Variants in COX4I1 observed in about 807,000 individuals in gnomAD.
COX4I1 encodes the protein cytochrome c oxidase subunit 4I1.
Under a neutral mutation model 21.7 loss-of-function variants are expected in COX4I1, and 18 were observed. The observed-to-expected ratio is 0.83, with a 90% CI of 0.57 to 1.23. The LOEUF (loss-of-function observed/expected upper bound fraction) is 1.23. COX4I1 is among the 50% of genes most tolerant of loss of function. COX4I1 has a pLI of 0.00. For missense variants in COX4I1, 238 were observed against 220.7 expected (o/e 1.08, Z -0.50); for synonymous variants, 100 against 81.5 (o/e 1.23, Z -1.23).
Position 85,799,961 on chromosome 16 carries a change from C to G in COX4I1, c.-2+209C>G, listed in dbSNP as rs1424089264. 1 of 151,606 alleles carries G rather than the reference C, an allele frequency of 6.6e-6. No homozygotes were observed. The highest frequency in any genetic ancestry group is 1.5e-5 in the Non-Finnish European group (1 of 67,986). 9.4% of individuals were successfully genotyped at this position (151,606 alleles called of 1,614,324 possible). On this transcript the variant is annotated intron_variant, in intron 1 of 4. Coordinates refer to ENST00000253452, the MANE Select transcript of COX4I1 (RefSeq NM_001861.6). The surrounding 1 kb of genome is among the most constrained non-coding windows in gnomAD (Gnocchi z 4.2). ...GGGGGGCCGCCCCGAAGTGCCCGGT[C>G]CATCTTACCCGGTCTCGCAGCGGCT... is the stretch of plus-strand genomic sequence containing the variant.
intron 4 of COX4I1, chr16:85,806,523 C>G (rs1906215442): frequency 2.7e-6 from 2 of 738,032 alleles, no homozygotes; most frequent in African/African-American, 1.7e-5. Flanking sequence ...CTGCTTTTAG[C>G]TTATTTTGTT....
chr16:85,799,731 T>G lies in COX4I1; in HGVS notation c.-23T>G. Reference sequence around the variant, plus strand: ...GCGGGACACCGGGTGTAGAGGGCGGTCGCGGCGGGCAGTGGCGGCAGGTGA... The same window carrying G: ...GCGGGACACCGGGTGTAGAGGGCGGGCGCGGCGGGCAGTGGCGGCAGGTGA... On this transcript the variant is annotated 5_prime_UTR_variant, in exon 1 of 5. Coordinates refer to ENST00000253452, the MANE Select transcript of COX4I1 (RefSeq NM_001861.6). The surrounding 1 kb of genome is among the most constrained non-coding windows in gnomAD (Gnocchi z 4.2). The G allele has an allele frequency of 6.4e-6, 1 of 157,464 alleles. No individual in the cohort carries two copies. The allele number at this position is 157,464 out of a possible 1,614,324, so 9.8% of individuals were successfully genotyped here.
In COX4I1 at chr16:85,806,933, G is replaced by C. The variant is rs923205304; in HGVS notation, c.*59G>C. 1.4e-5 allele frequency: 22 copies of C among 1,555,272 alleles called. No homozygotes were observed. Among genetic ancestry groups the C allele is most frequent in the South Asian group, 1.3e-4 (11 of 83,108 alleles). Reference sequence around the variant, plus strand: ...CTCTGTCACCGCCATGCAACTCCATGCCTATTTACTGGAAACCTGTTATGC... The same window carrying C: ...CTCTGTCACCGCCATGCAACTCCATCCCTATTTACTGGAAACCTGTTATGC... On this transcript the variant is annotated 3_prime_UTR_variant, in exon 5 of 5. Coordinates refer to ENST00000253452, the MANE Select transcript of COX4I1 (RefSeq NM_001861.6).
Position 85,806,967 on chromosome 16 carries a change from T to C in COX4I1, c.*93T>C, listed in dbSNP as rs1043774419. 14 of 1,359,022 alleles carry C rather than the reference T, an allele frequency of 1.0e-5. No homozygotes were observed. The Admixed American group carries it at 2.5e-4, about 24-fold the overall frequency. The allele number at this position is 1,359,022 out of a possible 1,614,324, so 84.2% of individuals were successfully genotyped here. ...CTGGAAACCTGTTATGCCAAACAGT[T>C]GTACCACTGCTAATAAATGACCAGT... On this transcript the variant is annotated 3_prime_UTR_variant, in exon 5 of 5. Transcript: ENST00000253452.
In COX4I1 at chr16:85,807,055, T is replaced by C. The variant is rs1906272427; in HGVS notation, c.*181T>C. On this transcript the variant is annotated 3_prime_UTR_variant, in exon 5 of 5. Transcript: ENST00000253452. ...CCTAAATGAAAGCTAATTAAAACAA[T>C]AGGTTTCTCCCAAGGGTCTGGAGTA... The C allele has an allele frequency of 7.6e-6, 5 of 656,688 alleles. No homozygotes were observed. Among genetic ancestry groups the C allele is most frequent in the Middle Eastern group, 4.2e-4 (1 of 2,372 alleles). 40.7% of individuals were successfully genotyped at this position (656,688 alleles called of 1,614,324 possible).
chr16:85,801,038 C>T, intron 1 of COX4I1, 167 bp from the exon 2 acceptor site: 1 of 541,128 alleles, frequency 1.8e-6, no homozygotes, highest in Non-Finnish European at 3.4e-6. Flanking sequence ...CTAAGAAAAA[C>T]CTCATCCTAG....
chr16:85,801,076 TAAAG>T, intron 1 of COX4I1, 125 bp from the exon 2 acceptor site: 1 of 674,140 alleles, frequency 1.5e-6, no homozygotes. Context: ...GAGACAGTGA[TAAAG>T]AATGGATCAT....
rs1466726255 is a variant in COX4I1 at position 85,805,576 on chromosome 16, CGTACGTGCGT to C, written c.242-155_242-146del. The stretch of plus-strand genomic sequence containing the variant: ...ATGCCTGCGTGGGCACGTGTGTGCA[CGTACGTGCGT>C]GAACATGATGTGGCCTGGGTTGGTG... On this transcript the variant is annotated intron_variant, in intron 3 of 4. Coordinates refer to ENST00000253452, the MANE Select transcript of COX4I1 (RefSeq NM_001861.6). The C allele has an allele frequency of 1.9e-4, 199 of 1,048,894 alleles. 1 individual carries two copies. The highest frequency in any genetic ancestry group is 2.4e-4 in the Non-Finnish European group (171 of 720,026). The allele number at this position is 1,048,894 out of a possible 1,614,324, so 65.0% of individuals were successfully genotyped here. A position where few individuals can be genotyped will look rare whatever the true frequency, so the allele number is the denominator to read the frequency against.
At chr16:85,800,094 A>G (rs2233444) in intron 1 of COX4I1, among the ~76,000 whole-genome samples, 29 of 152,016 alleles carry the variant, frequency 1.9e-4, no homozygotes, top group African/African-American at 5.8e-4. Flanking sequence ...TTGCTCCTTC[A>G]AAAGGTCCCT....
At chr16:85,800,566 G>C (rs1188775779) in intron 1 of COX4I1, among the ~76,000 whole-genome samples, 1 of 152,208 alleles carries the variant, frequency 6.6e-6, no homozygotes, top group African/African-American at 2.4e-5. Context: ...TGTCACGGCA[G>C]CACAGTGCTT....
intron 4 of COX4I1, 145 bp downstream of exon 4, chr16:85,806,009 C>A (rs946866667): frequency 8.7e-7 from 1 of 1,146,292 alleles, no homozygotes. Context: ...TGTTTCCAGG[C>A]CTTGGTGACC....
At chr16:85,800,554 T>C (rs1800647) in intron 1 of COX4I1, among the ~76,000 whole-genome samples, 123,229 of 152,216 alleles carry the variant, frequency 0.81, 50,321 homozygotes, top group African/African-American at 0.84. Flanking sequence ...AAGAATGGAG[T>C]CTGTCACGGC....
At chr16:85,805,667 T>A in intron 3 of COX4I1, 66 bp from the exon 4 acceptor site, 1 of 1,599,936 alleles carries the variant, frequency 6.3e-7, no homozygotes, top group Non-Finnish European at 8.6e-7. Context: ...GAGAAGTGGT[T>A]GAATGTTGCA....
intron 2 of COX4I1, 196 bp from the exon 3 acceptor site, chr16:85,804,741 G>T (rs1164565367): frequency 9.7e-6 from 5 of 513,664 alleles, no homozygotes; most frequent in East Asian, 3.5e-5. Context: ...GTGGGTTTTT[G>T]TTGGCTGTGA....
intron 1 of COX4I1, 79 bp from the exon 2 acceptor site, chr16:85,801,126 A>G: frequency 7.8e-7 from 1 of 1,275,084 alleles, no homozygotes; most frequent in South Asian, 1.3e-5. Flanking sequence ...AAATTCCAAA[A>G]TGCTCTGGGG....
chr16:85,802,047 C>T (rs891873740), intron 2 of COX4I1, among the ~76,000 whole-genome samples: 1 of 152,136 alleles, frequency 6.6e-6, no homozygotes, highest in African/African-American at 2.4e-5. Flanking sequence ...TTAGTAGAGT[C>T]TACACCCTGC....
Position 85,806,755 on chromosome 16 carries a change from C to A in COX4I1, c.391C>A (p.Gln131Lys). 1 of 1,614,092 alleles carries A rather than the reference C, an allele frequency of 6.2e-7. No homozygotes were observed. Among genetic ancestry groups the A allele is most frequent in the Non-Finnish European group, 8.5e-7 (1 of 1,180,010 alleles). ...CACCGTAGTGTACGGCCCCCTCCCG[C>A]AAAGCTTTGACAAAGAGTGGGTGGC... ...QKHYVYGPLP[Q>K]SFDKEWVAKQ... Residue 131 changes from glutamine to lysine, a missense_variant, in exon 5 of 5, where the codon CAA becomes AAA. Gln to Lys is a moderately conservative substitution (Grantham distance 53). Transcript: ENST00000253452.
intron 2 of COX4I1, among the ~76,000 whole-genome samples, chr16:85,802,192 C>T (rs533559131): frequency 6.6e-5 from 10 of 152,342 alleles, no homozygotes; most frequent in East Asian, 3.9e-4. Context: ...CCATTCCTCC[C>T]GTAGAGCCCC....
Position 85,805,716 on chromosome 16 carries a change from G to T in COX4I1, c.242-17G>T. ...CTGACCTTTGTGCCTGTAAATGGCTGTCCTCTCTGCCCCCAGTGTATCGCA... is the reference window on the plus strand; with the variant it reads ...CTGACCTTTGTGCCTGTAAATGGCTTTCCTCTCTGCCCCCAGTGTATCGCA... On this transcript the variant is annotated splice_polypyrimidine_tract_variant and intron_variant, in intron 3 of 4. Coordinates refer to ENST00000253452, the MANE Select transcript of COX4I1 (RefSeq NM_001861.6). The T allele has an allele frequency of 6.2e-7, 1 of 1,613,412 alleles. No individual in the cohort carries two copies. Among genetic ancestry groups the T allele is most frequent in the South Asian group, 1.1e-5 (1 of 91,078 alleles).
Sources: allele counts gnomAD v4.1 joint callset (sites outside exome capture counted in the v4.1 genomes callset), GRCh38; gene constraint gnomAD v4.1.1; non-coding constraint Gnocchi (gnomAD v3.1); transcripts MANE v1.5; gene names NCBI Gene and HGNC (gene_info 2026-07-23, HGNC 2026-07-21).